Variants in ZNF721 observed in about 807,000 individuals in gnomAD.
ZNF721 encodes the protein zinc finger protein 721.
In ZNF721, 2 loss-of-function variants were observed where a neutral mutation model predicts 2.4. The ratio of observed to expected loss-of-function variants is 0.82; its 90% CI spans 0.34 to 2.58. The LOEUF (loss-of-function observed/expected upper bound fraction) is 2.58. ZNF721 is among the 30% of genes most tolerant of loss of function. The pLI, the probability that ZNF721 is intolerant of heterozygous loss-of-function variation, is 0.11. For synonymous variants in ZNF721, 398 were observed against 381.8 expected, an observed-to-expected ratio of 1.04 and a Z score of -0.50; for missense variants, 1,187 against 1,085.5, an observed-to-expected ratio of 1.09 and a Z score of -1.31.
intron 2 of ZNF721, 119 bp from the exon 3 acceptor site, chr4:444,551 A>G: frequency 9.6e-7 from 1 of 1,041,186 alleles, no homozygotes; most frequent in Non-Finnish European, 1.4e-6. Flanking sequence ...ACCACAAGTC[A>G]TAACTTCTTC....
chr4:477,277 T>C (rs1576969142), intron 1 of ZNF721, among the ~76,000 whole-genome samples: 2 of 70,380 alleles, frequency 2.8e-5, no homozygotes, highest in Non-Finnish European at 6.2e-5. Flanking sequence ...TTTTTTTTTT[T>C]GGAGACAGAG....
intron 1 of ZNF721, among the ~76,000 whole-genome samples, chr4:498,214 A>AG: frequency 7.9e-6 from 1 of 126,916 alleles, no homozygotes; most frequent in Non-Finnish European, 1.6e-5. Flanking sequence ...GAAAAGAAAA[A>AG]GAAAAAAAAA....
chr4:491,458 C>A (rs1490760780), intron 1 of ZNF721, among the ~76,000 whole-genome samples: 1 of 152,242 alleles, frequency 6.6e-6, no homozygotes, highest in South Asian at 2.1e-4. Context: ...CCTCCAGTAA[C>A]AAAGAGTGCT....
chr4:464,727 T>C (rs1237357680), intron 2 of ZNF721, among the ~76,000 whole-genome samples: 1 of 152,048 alleles, frequency 6.6e-6, no homozygotes, highest in Non-Finnish European at 1.5e-5. Flanking sequence ...GTCTCTAAAA[T>C]AAATACAGGA....
At chr4:474,249 C>T (rs1553868258) in intron 1 of ZNF721, 10 of 360,428 alleles carry the variant, frequency 2.8e-5, no homozygotes, top group Non-Finnish European at 3.3e-5. Context: ...GTCCAGGCTT[C>T]ACGCCCTCAG....
chr4:448,469 T>C (rs75740239), intron 2 of ZNF721, among the ~76,000 whole-genome samples: 2,205 of 151,016 alleles, frequency 0.015, 56 homozygotes, highest in African/African-American at 0.049. Flanking sequence ...TACATACTTA[T>C]AGAAATTAAA....
chr4:460,741 A>G (rs183354622), intron 2 of ZNF721, among the ~76,000 whole-genome samples: 63 of 152,264 alleles, frequency 4.1e-4, no homozygotes, highest in Admixed American at 1.2e-3. Context: ...AATCAAATAG[A>G]CACAATGAAA....
At position 477,489 on chromosome 4, in the gene ZNF721, C is replaced by T. The variant is rs56360022; in HGVS notation, c.-93-4788G>A. Among the ~76,000 whole-genome samples, 143 of 152,122 alleles carry T rather than the reference C, an allele frequency of 9.4e-4. 1 individual carries two copies. Among genetic ancestry groups the T allele is most frequent in the Non-Finnish European group, 1.8e-3 (120 of 67,988 alleles). On this transcript the variant is annotated intron_variant, in intron 1 of 2. Coordinates refer to ENST00000511833, the MANE Select transcript of ZNF721 (RefSeq NM_133474.4). Reference sequence around the variant, plus strand: ...CCCGGACCTCGTGATCCGCCTGCCTCGGCCTCCCAAAGTGCTGGGATTACA... The same window carrying T: ...CCCGGACCTCGTGATCCGCCTGCCTTGGCCTCCCAAAGTGCTGGGATTACA...
intron 2 of ZNF721, among the ~76,000 whole-genome samples, chr4:457,617 A>AT (rs1714886424): frequency 6.6e-6 from 1 of 152,182 alleles, no homozygotes; most frequent in Non-Finnish European, 1.5e-5. Flanking sequence ...CCCTTTGCAC[A>AT]TATCAGTCAT....
chr4:454,195 T>TA (rs1225935498), intron 2 of ZNF721: 1 of 152,100 alleles, frequency 6.6e-6, no homozygotes, highest in Non-Finnish European at 1.5e-5. Flanking sequence ...CGGGTGGTGA[T>TA]ACCTGCCCCT....
At chr4:468,181 G>A (rs61517357) in intron 2 of ZNF721, among the ~76,000 whole-genome samples, 8,769 of 151,704 alleles carry the variant, frequency 0.058, 384 homozygotes, top group African/African-American at 0.13. Flanking sequence ...GCAGGAGAAT[G>A]GCATGAACCC....
At position 443,927 on chromosome 4, in the gene ZNF721, A is replaced by T; in HGVS notation, c.540T>A (p.Leu180=). Residue 180 remains leucine, a synonymous_variant, in exon 3 of 3, where the codon CTT becomes CTA. Transcript: ENST00000511833. Reference sequence around the variant, plus strand: ...TGTTGTGAATTCTCTTATGTGCAGTAAGGTTTGTTGACCTATTAAAGGCTT... The same window carrying T: ...TGTTGTGAATTCTCTTATGTGCAGTTAGGTTTGTTGACCTATTAAAGGCTT... ...CGKAFNRSTN[L]TAHKRIHNRE... is the part of the protein sequence containing the mutation. 2 of 1,613,982 alleles carry T rather than the reference A, an allele frequency of 1.2e-6. No homozygotes were observed. Among genetic ancestry groups the T allele is most frequent in the Non-Finnish European group, 1.7e-6 (2 of 1,179,978 alleles).
intron 1 of ZNF721, among the ~76,000 whole-genome samples, chr4:483,861 G>A (rs1211587220): frequency 1.3e-5 from 2 of 152,158 alleles, no homozygotes; most frequent in East Asian, 3.9e-4. Context: ...CGCCAGGCTG[G>A]AGTGCAGTGG....
rs1056894182 is a variant in ZNF721 at position 496,153 on chromosome 4, T to G, written c.-94+2903A>C. Among the ~76,000 whole-genome samples the G allele has an allele frequency of 1.6e-4, 23 of 144,996 alleles. No individual in the cohort carries two copies. The South Asian group carries it at 2.0e-3, about 13-fold the overall frequency. On this transcript the variant is annotated intron_variant, in intron 1 of 2. Coordinates refer to ENST00000511833, the MANE Select transcript of ZNF721 (RefSeq NM_133474.4). The stretch of plus-strand genomic sequence containing the variant: ...CCAACCATACCGCCTTTTTTGTGTG[T>G]GGGGGGTAGACGGTTGGGTATTTAG...
intron 1 of ZNF721, among the ~76,000 whole-genome samples, chr4:491,929 C>T (rs4690270): frequency 0.53 from 80,846 of 151,622 alleles, 23,924 homozygotes; most frequent in East Asian, 0.71. Context: ...CCAAGGCAGG[C>T]AGATCACGAG....
At chr4:495,389 A>T (rs1553872078) in intron 1 of ZNF721, among the ~76,000 whole-genome samples, 3 of 151,294 alleles carry the variant, frequency 2.0e-5, no homozygotes, top group Non-Finnish European at 4.4e-5. Flanking sequence ...CAAAAACATG[A>T]AACCTTCTAA....
chr4:470,232 CACTT>C (rs1156632311), intron 2 of ZNF721, among the ~76,000 whole-genome samples: 2 of 152,136 alleles, frequency 1.3e-5, no homozygotes, highest in African/African-American at 2.4e-5. Flanking sequence ...CAAAATGAAA[CACTT>C]ACACGTAAGA....
At chr4:490,003 G>C (rs1218748807) in intron 1 of ZNF721, among the ~76,000 whole-genome samples, 2 of 151,940 alleles carry the variant, frequency 1.3e-5, no homozygotes, top group Non-Finnish European at 2.9e-5. Context: ...GGGACTACAG[G>C]CACATGCCAC....
At chr4:484,798 G>C (rs139387302) in intron 1 of ZNF721, among the ~76,000 whole-genome samples, 2,846 of 152,320 alleles carry the variant, frequency 0.019, 89 homozygotes, top group African/African-American at 0.064. Flanking sequence ...CTGTGGTCCT[G>C]TGATCTCGCC....
Sources: allele counts gnomAD v4.1 joint callset (sites outside exome capture counted in the v4.1 genomes callset), GRCh38; gene constraint gnomAD v4.1.1; transcripts MANE v1.5; gene names NCBI Gene and HGNC (gene_info 2026-07-23, HGNC 2026-07-21).